PCDH15: variants seen among roughly 807,000 people sequenced by gnomAD.
The protein encoded by PCDH15 is protocadherin-15.
Under a neutral mutation model 178.5 loss-of-function variants are expected in PCDH15, and 129 were observed. The observed-to-expected ratio is 0.72, with a 90% confidence interval of 0.63 to 0.84. The LOEUF (loss-of-function observed/expected upper bound fraction) is 0.84, where lower values mean the gene tolerates loss of function less well. Among genes scored for constraint, PCDH15 ranks in the 40% least tolerant of loss-of-function variants. The probability of loss-of-function intolerance (pLI) is 0.00; values close to 1 mark genes in which losing one functional copy is unlikely to be tolerated. For missense variants in PCDH15, 2,230 were observed against 2,099.9 expected, an observed-to-expected ratio of 1.06 and a Z score of -1.21; for synonymous variants, 800 against 732.0, an observed-to-expected ratio of 1.09 and a Z score of -1.50.
chr10:55,092,721 G>T (rs1182522624), intron 2 of PCDH15, among the ~76,000 whole-genome samples: 1 of 151,696 alleles, frequency 6.6e-6, no homozygotes, highest in Non-Finnish European at 1.5e-5. Flanking sequence ...CATGCTTATT[G>T]CTCTGTTTGT....
intron 2 of PCDH15, among the ~76,000 whole-genome samples, chr10:55,537,068 C>A (rs1331459061): frequency 6.6e-6 from 1 of 152,000 alleles, no homozygotes; most frequent in Non-Finnish European, 1.5e-5. Flanking sequence ...ACAGAATTTG[C>A]ACCATTGTTT....
At chr10:54,641,809 T>A (rs1048364440) in intron 2 of PCDH15, among the ~76,000 whole-genome samples, 8 of 152,162 alleles carry the variant, frequency 5.3e-5, no homozygotes, top group Non-Finnish European at 8.8e-5. Flanking sequence ...AGTGATCTGT[T>A]TTAGAATAAA....
chr10:55,602,589 C>G (rs1017131519), intron 2 of PCDH15, among the ~76,000 whole-genome samples: 1 of 152,100 alleles, frequency 6.6e-6, no homozygotes. Context: ...CGCTGACCCC[C>G]GAGCAGCCTA....
intron 1 of PCDH15, among the ~76,000 whole-genome samples, chr10:54,796,770 T>G (rs898806185): frequency 6.6e-6 from 1 of 152,024 alleles, no homozygotes; most frequent in African/African-American, 2.4e-5. Context: ...TTTCTGTGAC[T>G]TATCTGTGTC....
chr10:54,347,589 T>C (rs1261066432), intron 5 of PCDH15, among the ~76,000 whole-genome samples: 2 of 152,064 alleles, frequency 1.3e-5, no homozygotes, highest in African/African-American at 4.8e-5. Flanking sequence ...CAGTTTTACT[T>C]TCAGAAACTG....
At chr10:54,464,629 A>G (rs1270127208) in intron 3 of PCDH15, among the ~76,000 whole-genome samples, 2 of 152,204 alleles carry the variant, frequency 1.3e-5, no homozygotes, top group African/African-American at 4.8e-5. Flanking sequence ...TCATCAAATA[A>G]TAAATAGTGA....
chr10:55,036,309 C>T (rs978028507), intron 2 of PCDH15, among the ~76,000 whole-genome samples: 37 of 152,072 alleles, frequency 2.4e-4, no homozygotes, highest in African/African-American at 7.5e-4. Context: ...CTGTAGTGTT[C>T]GGTTATAGCA....
chr10:55,376,401 T>A (rs1221071936), intron 2 of PCDH15, among the ~76,000 whole-genome samples: 1 of 152,080 alleles, frequency 6.6e-6, no homozygotes, highest in Middle Eastern at 3.2e-3. Context: ...GGAGCCATTA[T>A]TCATGGAATA....
At chr10:54,454,291 C>A (rs1411047513) in intron 3 of PCDH15, among the ~76,000 whole-genome samples, 1 of 149,172 alleles carries the variant, frequency 6.7e-6, no homozygotes, top group South Asian at 2.1e-4. Context: ...ATTATAAATG[C>A]TTTTAATTGA....
At chr10:54,655,428 G>GGC (rs2094381890) in intron 2 of PCDH15, 1 of 141,866 alleles carries the variant, frequency 7.0e-6, no homozygotes, top group South Asian at 2.3e-4. Flanking sequence ...TGTGTGGTGG[G>GGC]GTGTGTGTGT....
intron 2 of PCDH15, among the ~76,000 whole-genome samples, chr10:54,950,651 A>G (rs1289689585): frequency 6.6e-6 from 1 of 151,872 alleles, no homozygotes; most frequent in Non-Finnish European, 1.5e-5. Context: ...TACAAGAATG[A>G]ACACAGGAGG....
intron 2 of PCDH15, among the ~76,000 whole-genome samples, chr10:54,622,610 TTATATATAA>T (rs1388779606): frequency 1.6e-4 from 15 of 93,620 alleles, no homozygotes; most frequent in East Asian, 5.2e-4. Context: ...ATATATATAA[TTATATATAA>T]TATATATAAT....
At chr10:54,183,660 T>G in intron 12 of PCDH15, 67 bp from the exon 13 acceptor site, 2 of 1,576,550 alleles carry the variant, frequency 1.3e-6, no homozygotes, top group South Asian at 2.2e-5. Context: ...GAGTTTGCTC[T>G]TACAGTTTAA....
At chr10:53,913,254 C>A (rs1011646339) in intron 25 of PCDH15, among the ~76,000 whole-genome samples, 1 of 152,144 alleles carries the variant, frequency 6.6e-6, no homozygotes, top group Non-Finnish European at 1.5e-5. Flanking sequence ...AAAGCTGAAA[C>A]TGGATCCCTT....
chr10:55,515,542 T>C (rs1589100619), intron 2 of PCDH15, among the ~76,000 whole-genome samples: 1 of 152,082 alleles, frequency 6.6e-6, no homozygotes, highest in Non-Finnish European at 1.5e-5. Flanking sequence ...TACTAATAAA[T>C]AGCAGATCTA....
At position 55,439,705 on chromosome 10, in the gene PCDH15, C is replaced by G. The variant is rs1036568462; in HGVS notation, c.-156+187920G>C. 2.6e-5 allele frequency among the ~76,000 whole-genome samples: 4 copies of G among 151,568 alleles called. No individual in the cohort carries two copies. In the South Asian group the frequency reaches 8.3e-4, roughly 31 times the overall value. On this transcript the variant is annotated intron_variant, in intron 2 of 5. Coordinates refer to the PCDH15 transcript ENST00000613346. Reference sequence around the variant, plus strand: ...GGACAAAGAAGGGAGAGGAGACAAACAGAAATCACTCACTGATTGCTTGGT... The same window carrying G: ...GGACAAAGAAGGGAGAGGAGACAAAGAGAAATCACTCACTGATTGCTTGGT...
intron 2 of PCDH15, among the ~76,000 whole-genome samples, chr10:55,465,766 T>C (rs1839818392): frequency 6.6e-6 from 1 of 152,194 alleles, no homozygotes; most frequent in South Asian, 2.1e-4. Flanking sequence ...ATTCTTTCTC[T>C]GACATTGATT....
chr10:54,374,079 C>T (rs1948068358), intron 4 of PCDH15, among the ~76,000 whole-genome samples: 1 of 152,054 alleles, frequency 6.6e-6, no homozygotes, highest in Non-Finnish European at 1.5e-5. Context: ...GAAAAGGTAT[C>T]TGTGGGCACA....
At position 54,185,276 on chromosome 10, in the gene PCDH15, A is replaced by C. The variant is rs1351277416; in HGVS notation, c.1306-8T>G. ...AAGCTCTGGGTCTTTTGTCTTTGAAAAAAAATGACATCGTTTCAAACGTTG... is the reference window on the plus strand; with the variant it reads ...AAGCTCTGGGTCTTTTGTCTTTGAACAAAAATGACATCGTTTCAAACGTTG... On this transcript the variant is annotated splice_polypyrimidine_tract_variant and splice_region_variant and intron_variant, in intron 11 of 37. Transcript: ENST00000644397. 6.2e-7 allele frequency: 1 copy of C among 1,613,430 alleles called. No individual in the cohort carries two copies. Among genetic ancestry groups the C allele is most frequent in the Admixed American group, 1.7e-5 (1 of 59,980 alleles).
Sources: gnomAD v4.1 joint callset for allele counts (sites outside exome capture counted in the v4.1 genomes callset) on GRCh38, gnomAD v4.1.1 for gene constraint, MANE v1.5 for transcripts, NCBI Gene and HGNC (gene_info 2026-07-23, HGNC 2026-07-21) for gene names.